Variants in DLG2 observed in about 807,000 individuals in gnomAD.
The protein encoded by DLG2 is disks large homolog 2.
DLG2 carries 45 observed loss-of-function variants against 132.5 expected under a neutral mutation model. The observed-to-expected ratio is 0.34, with a 90% CI of 0.27 to 0.44. The LOEUF is 0.44. Among genes scored for constraint, DLG2 ranks in the 20% least tolerant of loss-of-function variants. The probability of loss-of-function intolerance (pLI) is 1.00; values close to 1 mark genes in which losing one functional copy is unlikely to be tolerated. For missense variants in DLG2, 1,045 were observed against 1,196.9 expected, an observed-to-expected ratio of 0.87 and a Z score of 1.87; for synonymous variants, 424 against 419.6, an observed-to-expected ratio of 1.01 and a Z score of -0.13.
intron 15 of DLG2, among the ~76,000 whole-genome samples, chr11:83,920,265 C>T (rs4529902): frequency 0.18 from 27,680 of 152,046 alleles, 2,753 homozygotes; most frequent in Middle Eastern, 0.23. Context: ...ACTTTAAAAG[C>T]CCTCTTCAAG....
chr11:83,936,830 G>A (rs1233913734), intron 14 of DLG2, among the ~76,000 whole-genome samples: 1 of 152,184 alleles, frequency 6.6e-6, no homozygotes, highest in African/African-American at 2.4e-5. Context: ...TAACAAAAGG[G>A]AGAGGGATCT....
At position 83,574,864 on chromosome 11, in the gene DLG2, G is replaced by A. The variant is rs138215875; in HGVS notation, c.1941-33006C>T. Among the ~76,000 whole-genome samples, 330 of 152,312 alleles carry A rather than the reference G, an allele frequency of 2.2e-3. 1 individual carries two copies. The highest frequency in any genetic ancestry group is 7.3e-3 in the African/African-American group (304 of 41,578). On this transcript the variant is annotated intron_variant, in intron 19 of 27. Coordinates refer to ENST00000376104, the MANE Select transcript of DLG2 (RefSeq NM_001142699.3). ...CCCTAGGCACAACCACTTGGCACTT[G>A]TGAAATTATTGACTAAAGAATGGAG...
chr11:84,664,921 C>T (rs76135202), intron 6 of DLG2, among the ~76,000 whole-genome samples: 32 of 152,080 alleles, frequency 2.1e-4, no homozygotes, highest in African/African-American at 6.0e-4. Context: ...AGTTTGGCCA[C>T]GGTATATGCT....
intron 3 of DLG2, among the ~76,000 whole-genome samples, chr11:85,352,019 GCTGTAAATCCATCTGGTC>G (rs2083329334): frequency 6.6e-6 from 1 of 152,162 alleles, no homozygotes; most frequent in Non-Finnish European, 1.5e-5. Flanking sequence ...ATAGAATCTG[GCTGTAAATCCATCTGGTC>G]CTGGACTTTT....
intron 3 of DLG2, among the ~76,000 whole-genome samples, chr11:85,398,568 T>G (rs993362769): frequency 6.6e-6 from 1 of 151,762 alleles, no homozygotes; most frequent in Non-Finnish European, 1.5e-5. Flanking sequence ...AAGAATCAAA[T>G]AGATGCAATA....
At chr11:84,227,337 C>T (rs2097015683) in intron 8 of DLG2, among the ~76,000 whole-genome samples, 1 of 151,802 alleles carries the variant, frequency 6.6e-6, no homozygotes, top group South Asian at 2.1e-4. Context: ...TCTGTGTGAT[C>T]AGAGGGAATA....
chr11:84,692,049 G>A (rs951395847), intron 6 of DLG2, among the ~76,000 whole-genome samples: 1 of 151,514 alleles, frequency 6.6e-6, no homozygotes, highest in Non-Finnish European at 1.5e-5. Flanking sequence ...AGTACTTATT[G>A]CATGTTTTTC....
At chr11:84,107,156 T>A (rs762547983) in intron 9 of DLG2, among the ~76,000 whole-genome samples, 3 of 151,610 alleles carry the variant, frequency 2.0e-5, no homozygotes, top group Admixed American at 1.3e-4. Flanking sequence ...GAAAGGGAGA[T>A]TGAAGGTACA....
intron 18 of DLG2, chr11:83,684,524 T>C (rs1264190820): frequency 6.6e-6 from 1 of 152,168 alleles, no homozygotes; most frequent in Non-Finnish European, 1.5e-5. Context: ...CCATACTTAA[T>C]AGTAGGTACT....
chr11:83,926,620 A>C (rs1394897325), intron 15 of DLG2, among the ~76,000 whole-genome samples: 1 of 152,124 alleles, frequency 6.6e-6, no homozygotes, highest in African/African-American at 2.4e-5. Flanking sequence ...TTTTTAGGGC[A>C]AAAGATTCTA....
chr11:83,674,746 G>T (rs979142962), intron 18 of DLG2, among the ~76,000 whole-genome samples: 1 of 152,188 alleles, frequency 6.6e-6, no homozygotes, highest in African/African-American at 2.4e-5. Flanking sequence ...CAGCTAGGCT[G>T]GGAGCACTTA....
intron 18 of DLG2, among the ~76,000 whole-genome samples, chr11:83,716,693 G>C (rs907249368): frequency 6.6e-6 from 1 of 152,160 alleles, no homozygotes; most frequent in South Asian, 2.1e-4. Context: ...TCACATAATA[G>C]AATGTTTTGG....
Position 84,180,931 on chromosome 11 carries a change from G to A in DLG2, c.574-17420C>T, listed in dbSNP as rs1488612548. ...GAAATATTGCAGTAAGTACTTCGGA[G>A]AGAAGAAAAATCATAAAGGTCAGAA... On this transcript the variant is annotated intron_variant, in intron 8 of 27. Coordinates refer to ENST00000376104, the MANE Select transcript of DLG2 (RefSeq NM_001142699.3). Among the ~76,000 whole-genome samples the A allele has an allele frequency of 2.0e-5, 3 of 151,672 alleles. No individual in the cohort carries two copies. In the East Asian group the frequency reaches 5.8e-4, roughly 29 times the overall value.
chr11:84,498,133 C>T (rs906528644), intron 7 of DLG2, among the ~76,000 whole-genome samples: 33 of 152,026 alleles, frequency 2.2e-4, no homozygotes, highest in Admixed American at 1.4e-3. Flanking sequence ...GGCACAAAAA[C>T]GAAAAGAGAT....
At chr11:84,267,224 C>G (rs1363190904) in intron 7 of DLG2, among the ~76,000 whole-genome samples, 1 of 101,872 alleles carries the variant, frequency 9.8e-6, no homozygotes, top group East Asian at 2.5e-4. Context: ...TGATTGCGTA[C>G]AAAAGTATAG....
At chr11:83,676,035 T>A (rs967467237) in intron 18 of DLG2, among the ~76,000 whole-genome samples, 1 of 152,130 alleles carries the variant, frequency 6.6e-6, no homozygotes, top group African/African-American at 2.4e-5. Flanking sequence ...CACCATCCCA[T>A]CCTAACAGCA....
intron 6 of DLG2, among the ~76,000 whole-genome samples, chr11:85,037,526 T>A (rs527429408): frequency 6.6e-6 from 1 of 152,182 alleles, no homozygotes; most frequent in African/African-American, 2.4e-5. Flanking sequence ...CAGGAGAGTA[T>A]AATGACAGCA....
At chr11:84,854,615 C>G (rs982688407) in intron 6 of DLG2, among the ~76,000 whole-genome samples, 3 of 152,020 alleles carry the variant, frequency 2.0e-5, no homozygotes, top group African/African-American at 7.2e-5. Context: ...TATTTGTACT[C>G]ACGGGGAATT....
intron 6 of DLG2, among the ~76,000 whole-genome samples, chr11:84,981,271 A>G (rs1261543221): frequency 6.6e-6 from 1 of 152,226 alleles, no homozygotes. Flanking sequence ...CTATCTGTGC[A>G]GAAAGAAATA....
Sources: gnomAD v4.1 joint callset for allele counts (sites outside exome capture counted in the v4.1 genomes callset) on GRCh38, gnomAD v4.1.1 for gene constraint, MANE v1.5 for transcripts, NCBI Gene and HGNC (gene_info 2026-07-23, HGNC 2026-07-21) for gene names.